The following BNC1 variants were observed in gnomAD, a reference collection of about 807,000 sequenced individuals.
The protein encoded by BNC1 is zinc finger protein basonuclin-1.
Under a neutral mutation model 66.5 loss-of-function variants are expected in BNC1, and 8 were observed. The observed-to-expected ratio is 0.12, with a 90% confidence interval of 0.07 to 0.22. The LOEUF is 0.22. Ranked by LOEUF, BNC1 falls within the 10% of genes least tolerant of loss-of-function variation. The pLI, the probability that BNC1 is intolerant of heterozygous loss-of-function variation, is 1.00. For missense variants in BNC1, 1,069 were observed against 1,241.3 expected (o/e 0.86, Z 2.09); for synonymous variants, 454 against 452.6 (o/e 1.00, Z -0.04).
intron 4 of BNC1, among the ~76,000 whole-genome samples, chr15:83,258,787 T>C (rs528519318): frequency 1.3e-5 from 2 of 152,368 alleles, no homozygotes; most frequent in East Asian, 3.9e-4. Flanking sequence ...ACCTGAAATG[T>C]GGCTAGTATC....
In BNC1 at chr15:83,283,204, A is replaced by G. The variant is rs769915963; in HGVS notation, c.99+1326T>C. The G allele has an allele frequency of 9.8e-6, 15 of 1,535,598 alleles. No homozygotes were observed. The South Asian group carries it at 1.7e-4, about 17-fold the overall frequency. ...CCTTAAATGAGAAGAACATGTTTCTACACCGCATTTGTGAAAGTTTGGCTC... is the reference window on the plus strand; with the variant it reads ...CCTTAAATGAGAAGAACATGTTTCTGCACCGCATTTGTGAAAGTTTGGCTC... On this transcript the variant is annotated intron_variant, in intron 1 of 4. Coordinates refer to ENST00000345382, the MANE Select transcript of BNC1 (RefSeq NM_001717.4).
At chr15:83,270,802 T>C (rs2079969967) in intron 1 of BNC1, among the ~76,000 whole-genome samples, 1 of 152,214 alleles carries the variant, frequency 6.6e-6, no homozygotes, top group Non-Finnish European at 1.5e-5. Context: ...TTCTTGATGG[T>C]ATCCTTTGAA....
At chr15:83,259,625 G>A (rs1009264718) in intron 4 of BNC1, among the ~76,000 whole-genome samples, 2 of 152,156 alleles carry the variant, frequency 1.3e-5, no homozygotes, top group African/African-American at 4.8e-5. Flanking sequence ...ACCAGACACT[G>A]GGTGGACGTA....
chr15:83,278,118 T>C (rs1217741185), intron 1 of BNC1, among the ~76,000 whole-genome samples: 2 of 152,200 alleles, frequency 1.3e-5, no homozygotes, highest in Non-Finnish European at 2.9e-5. Context: ...CTAAGTCCTT[T>C]AATGTGAGGC....
intron 1 of BNC1, chr15:83,283,258 T>G (rs1431556233): frequency 2.0e-6 from 3 of 1,534,436 alleles, no homozygotes; most frequent in Non-Finnish European, 2.6e-6. Context: ...ATATCAGATC[T>G]CCTTCACTCG....
rs147598729 is a variant in BNC1, at chr15:83,257,481, C to A, written c.2946G>T (p.Leu982=). The A allele has an allele frequency of 1.7e-5, 27 of 1,613,888 alleles. No homozygotes were observed. The African/African-American group carries it at 3.3e-4, about 20-fold the overall frequency. Residue 982 remains leucine, a synonymous_variant, in exon 5 of 5, where the codon CTG becomes CTT. Coordinates refer to ENST00000345382, the MANE Select transcript of BNC1 (RefSeq NM_001717.4). ...TTGGAGATGAGGCCAGGCTTTTGTG[C>A]AGGTTGGGATTCTGGCTGTGTCTGT... is the stretch of plus-strand genomic sequence containing the variant. ...SRNRHSQNPN[L]HKSLASSPSH...
intron 4 of BNC1, among the ~76,000 whole-genome samples, chr15:83,260,436 T>C (rs117036252): frequency 6.6e-6 from 1 of 152,310 alleles, no homozygotes; most frequent in Non-Finnish European, 1.5e-5. Flanking sequence ...AGCTCTTGAG[T>C]AACCTTAGGT....
chr15:83,282,185 C>G (rs1364335833), intron 1 of BNC1, among the ~76,000 whole-genome samples: 2 of 152,164 alleles, frequency 1.3e-5, no homozygotes. Context: ...TACGAGTTCC[C>G]AAAGTGTGAG....
At chr15:83,273,056 C>T (rs11852520) in intron 1 of BNC1, among the ~76,000 whole-genome samples, 1 of 151,988 alleles carries the variant, frequency 6.6e-6, no homozygotes, top group African/African-American at 2.4e-5. Context: ...GCTTCAGTTT[C>T]GGGATAATTT....
In BNC1 at chr15:83,266,810, G is replaced by A. The variant is rs766464301; in HGVS notation, c.435+26C>T. ...GCACAAATTTCAGAAAGCACCCTAGGAGGACAATGTTCATGTTTACTGTAC... is the reference window on the plus strand; with the variant it reads ...GCACAAATTTCAGAAAGCACCCTAGAAGGACAATGTTCATGTTTACTGTAC... On this transcript the variant is annotated intron_variant, in intron 3 of 4. Coordinates refer to ENST00000345382, the MANE Select transcript of BNC1 (RefSeq NM_001717.4). 35 of 1,601,026 alleles carry A rather than the reference G, an allele frequency of 2.2e-5. No homozygotes were observed. In the East Asian group the frequency reaches 4.5e-4, roughly 20 times the overall value.
At chr15:83,283,334 G>A in intron 1 of BNC1, 1 of 1,470,702 alleles carries the variant, frequency 6.8e-7, no homozygotes, top group Non-Finnish European at 9.0e-7. Flanking sequence ...CCAGGCGGCG[G>A]CGGGGCTCCG....
At chr15:83,271,212 G>A (rs1426438976) in intron 1 of BNC1, among the ~76,000 whole-genome samples, 1 of 152,118 alleles carries the variant, frequency 6.6e-6, no homozygotes, top group Non-Finnish European at 1.5e-5. Context: ...GGAGGTAGGG[G>A]TTGCAGCCTG....
chr15:83,269,117 G>A (rs1367582236), intron 1 of BNC1, among the ~76,000 whole-genome samples: 1 of 152,094 alleles, frequency 6.6e-6, no homozygotes, highest in Non-Finnish European at 1.5e-5. Flanking sequence ...CCAGCTACTC[G>A]GGAGGCTAAG....
rs543450074 is a variant in BNC1 at position 83,281,387 on chromosome 15, A to G, written c.99+3143T>C. On this transcript the variant is annotated intron_variant, in intron 1 of 4. Transcript: ENST00000345382. ...TGCAGTAGAACACTTGGAATTACGT[A>G]ATTAAAAGAAAAGTACCAACTCCCT... Among the ~76,000 whole-genome samples the G allele has an allele frequency of 3.3e-5, 5 of 152,324 alleles. No homozygotes were observed. In the South Asian group the frequency reaches 1.0e-3, roughly 32 times the overall value.
rs1465450513 is a variant in BNC1, at chr15:83,262,993, T to C, written c.2258A>G (p.Glu753Gly). Reference sequence around the variant, plus strand: ...GGAGGGAAAGGTAGCATTACAGCCCTCCACTGTGCATGTGTGCATTTCTTT... The same window carrying C: ...GGAGGGAAAGGTAGCATTACAGCCCCCCACTGTGCATGTGTGCATTTCTTT... ...HVKEMHTCTV[E>G]GCNATFPSRR... Residue 753 changes from glutamate (E) to glycine (G), a missense_variant, in exon 4 of 5, where the codon GAG becomes GGG. Glu to Gly is a moderately conservative substitution (Grantham distance 98). Around this residue, in one of 7 missense-constraint regions of BNC1, gnomAD observed 657 missense variants for 715.8 expected, o/e 0.92. Transcript: ENST00000345382. 2.5e-6 allele frequency: 4 copies of C among 1,613,910 alleles called. No individual in the cohort carries two copies. Among genetic ancestry groups the C allele is most frequent in the Admixed American group, 1.7e-5 (1 of 59,982 alleles).
Position 83,268,199 on chromosome 15 carries a change from T to C in BNC1, c.133A>G (p.Ser45Gly). ...TGGTTTATTTTCCCGGGTTTGAAACTTTGGCAACTACAGTTCAGAGTACAG... is the reference window on the plus strand; with the variant it reads ...TGGTTTATTTTCCCGGGTTTGAAACCTTGGCAACTACAGTTCAGAGTACAG... ...ISCTLNCSCQ[S>G]FKPGKINHRQ... The change falls in exon 2 of 5, where the codon AGT becomes GGT. Residue 45 changes from serine to glycine, a missense_variant. Around this residue, in one of 7 missense-constraint regions of BNC1, gnomAD observed 78 missense variants for 80.9 expected, o/e 0.96. Coordinates refer to ENST00000345382, the MANE Select transcript of BNC1 (RefSeq NM_001717.4). 1.2e-6 allele frequency: 2 copies of C among 1,614,150 alleles called. No individual in the cohort carries two copies. The highest frequency in any genetic ancestry group is 1.7e-6 in the Non-Finnish European group (2 of 1,180,016).
Position 83,280,892 on chromosome 15 carries a change from T to C in BNC1, c.99+3638A>G, listed in dbSNP as rs80286597. Among the ~76,000 whole-genome samples, 434 of 152,364 alleles carry C rather than the reference T, an allele frequency of 2.8e-3. 4 individuals carry two copies. Among genetic ancestry groups the C allele is most frequent in the African/African-American group, 9.9e-3 (412 of 41,586 alleles). On this transcript the variant is annotated intron_variant, in intron 1 of 4. Transcript: ENST00000345382. ...CCCTATGGACAGGGCTGTTTGGACC[T>C]GACCCTCACATTTTATTTCTCCATC...
chr15:83,261,510 A>G (rs933240164), intron 4 of BNC1, among the ~76,000 whole-genome samples: 1 of 152,232 alleles, frequency 6.6e-6, no homozygotes, highest in Admixed American at 6.5e-5. Context: ...AACATTTATC[A>G]TATTCCATTT....
chr15:83,264,061 C>G lies in BNC1; in HGVS notation c.1190G>C (p.Ser397Thr), dbSNP rs2038184825. ...ATGGCGATTCCGGCTCCTTAGGGAG[C>G]TGAACACCATGTTACACCCTTCGAT... ...CTIEGCNMVF[S>T]SLRSRNRHSA... Residue 397 changes from serine (S) to threonine (T), a missense_variant, in exon 4 of 5, where the codon AGC becomes ACC. Transcript: ENST00000345382. 1 of 1,614,208 alleles carries G rather than the reference C, an allele frequency of 6.2e-7. No individual in the cohort carries two copies. The highest frequency in any genetic ancestry group is 8.5e-7 in the Non-Finnish European group (1 of 1,180,044).
Sources: gnomAD v4.1 joint callset for allele counts (sites outside exome capture counted in the v4.1 genomes callset) on GRCh38, gnomAD v4.1.1 for gene constraint, gnomAD v4.1.1 regional missense constraint, MANE v1.5 for transcripts, NCBI Gene and HGNC (gene_info 2026-07-23, HGNC 2026-07-21) for gene names.